Variants in THRB observed in about 807,000 individuals in gnomAD.
The protein encoded by THRB is thyroid hormone receptor beta, also known as nuclear receptor subfamily 1 group A member 2.
THRB carries 12 observed loss-of-function variants against 47.8 expected under a neutral mutation model. That is an observed-to-expected ratio of 0.25 (90% CI 0.16 to 0.41). The LOEUF is 0.41. Ranked by LOEUF, THRB falls within the 10% of genes least tolerant of loss-of-function variation. The probability of loss-of-function intolerance (pLI) is 1.00; values close to 1 mark genes in which losing one functional copy is unlikely to be tolerated. For synonymous variants in THRB, 218 were observed against 212.2 expected, an observed-to-expected ratio of 1.03 and a Z score of -0.24; for missense variants, 348 against 589.2, an observed-to-expected ratio of 0.59 and a Z score of 4.24.
At chr3:24,243,566 G>C (rs947107488) in intron 3 of THRB, among the ~76,000 whole-genome samples, 4 of 151,988 alleles carry the variant, frequency 2.6e-5, no homozygotes, top group African/African-American at 7.3e-5. Context: ...TGAAGTTCTC[G>C]GGATGCCTAT....
intron 1 of THRB, among the ~76,000 whole-genome samples, chr3:24,382,421 G>T (rs994061525): frequency 4.6e-5 from 7 of 151,952 alleles, no homozygotes; most frequent in African/African-American, 1.7e-4. Flanking sequence ...TTAAACGAAT[G>T]GATAAAGATT....
At chr3:24,136,240 A>T (rs1271850079) in intron 8 of THRB, among the ~76,000 whole-genome samples, 1 of 152,218 alleles carries the variant, frequency 6.6e-6, no homozygotes, top group African/African-American at 2.4e-5. Flanking sequence ...AGAATAAAAA[A>T]TTCACTTTTA....
At chr3:24,355,462 A>T (rs1196383367) in intron 1 of THRB, among the ~76,000 whole-genome samples, 2 of 152,210 alleles carry the variant, frequency 1.3e-5, no homozygotes, top group Non-Finnish European at 2.9e-5. Flanking sequence ...AAATTTGAAC[A>T]GAGGATGTCA....
chr3:24,387,302 T>C (rs1056704943), intron 1 of THRB, among the ~76,000 whole-genome samples: 1 of 152,126 alleles, frequency 6.6e-6, no homozygotes, highest in East Asian at 1.9e-4. Context: ...ACCTGGACAG[T>C]AGATTAAAGT....
chr3:24,451,050 A>C (rs773333133), intron 1 of THRB, among the ~76,000 whole-genome samples: 2 of 152,160 alleles, frequency 1.3e-5, no homozygotes, highest in Non-Finnish European at 2.9e-5. Context: ...TTATAGGAAA[A>C]GTGACCCACA....
At chr3:24,424,601 G>T (rs1436655428) in intron 1 of THRB, among the ~76,000 whole-genome samples, 1 of 151,918 alleles carries the variant, frequency 6.6e-6, no homozygotes, top group Non-Finnish European at 1.5e-5. Flanking sequence ...TACATGATAA[G>T]AATTATAAGG....
intron 1 of THRB, among the ~76,000 whole-genome samples, chr3:24,346,942 T>C (rs1319635866): frequency 6.7e-6 from 1 of 149,310 alleles, no homozygotes; most frequent in Non-Finnish European, 1.5e-5. Context: ...ATTTATAACA[T>C]TACAGCCAAC....
At chr3:24,394,546 G>A (rs927113210) in intron 1 of THRB, among the ~76,000 whole-genome samples, 14 of 152,028 alleles carry the variant, frequency 9.2e-5, no homozygotes, top group African/African-American at 2.2e-4. Flanking sequence ...GGGATGCTTC[G>A]TCTGCTTTTA....
At chr3:24,437,398 T>A (rs1446311034) in intron 1 of THRB, among the ~76,000 whole-genome samples, 1 of 151,750 alleles carries the variant, frequency 6.6e-6, no homozygotes, top group Non-Finnish European at 1.5e-5. Flanking sequence ...AGGGGGAAGA[T>A]GAAGAGAAGT....
At chr3:24,215,126 T>G (rs2046428102) in intron 4 of THRB, among the ~76,000 whole-genome samples, 1 of 152,332 alleles carries the variant, frequency 6.6e-6, no homozygotes. Flanking sequence ...CACTAACATT[T>G]ACTGAGTGCT....
At position 24,190,121 on chromosome 3, in the gene THRB, C is replaced by G. The variant is rs1387972369; in HGVS notation, c.236G>C (p.Ser79Thr). Residue 79 changes from serine (S) to threonine (T), a missense_variant, in exon 5 of 11, where the codon AGT (serine) becomes ACT (threonine). This residue lies in a region of THRB where 148 missense variants were observed against 122.3 expected (regional missense o/e 1.21). Transcript: ENST00000646209. ...TTGGAAGGTCTGGGCACTTGAGACA[C>G]TCTGGTCGTTCACATCATCATGGTC... ...HLDHDDVNDQSVSSAQTFQTE... is the reference protein window; with the variant it reads ...HLDHDDVNDQTVSSAQTFQTE... 6.2e-7 allele frequency: 1 copy of G among 1,613,960 alleles called. No homozygotes were observed. Among genetic ancestry groups the G allele is most frequent in the Non-Finnish European group, 8.5e-7 (1 of 1,179,956 alleles).
At chr3:24,340,151 A>G (rs1659715258) in intron 1 of THRB, among the ~76,000 whole-genome samples, 1 of 152,246 alleles carries the variant, frequency 6.6e-6, no homozygotes, top group Non-Finnish European at 1.5e-5. Context: ...TGTTATTTAT[A>G]AATGGCTCTT....
chr3:24,384,384 A>C (rs1017081800), intron 1 of THRB, among the ~76,000 whole-genome samples: 1 of 152,170 alleles, frequency 6.6e-6, no homozygotes, highest in African/African-American at 2.4e-5. Flanking sequence ...CAACTTTAAG[A>C]ACTTCTGGAG....
chr3:24,366,415 G>T (rs111428583), intron 1 of THRB, among the ~76,000 whole-genome samples: 1 of 152,022 alleles, frequency 6.6e-6, no homozygotes, highest in East Asian at 1.9e-4. Context: ...TAGCGATGGC[G>T]GGAGTGAGGG....
chr3:24,233,591 G>GAAAGAAAGAAAGAAAGAAAAAT (rs1553658398), intron 3 of THRB, among the ~76,000 whole-genome samples: 1,003 of 69,382 alleles, frequency 0.014, 8 homozygotes, highest in African/African-American at 0.025. Flanking sequence ...AAGAAAGAAA[G>GAAAGAAAGAAAGAAAGAAAAAT]AAAGAAAGAA....
chr3:24,118,296 C>G lies in THRB; in HGVS notation c.*4588G>C, dbSNP rs2031011062. On this transcript the variant is annotated 3_prime_UTR_variant, in exon 11 of 11. Coordinates refer to ENST00000646209, the MANE Select transcript of THRB (RefSeq NM_001354712.2). Reference sequence around the variant, plus strand: ...TATATTCATAATTACAGTTTTATATCTGCATACAAAAGCTATGTAAAAATC... The same window carrying G: ...TATATTCATAATTACAGTTTTATATGTGCATACAAAAGCTATGTAAAAATC... 1 of 152,574 alleles carries G rather than the reference C, an allele frequency of 6.6e-6. No homozygotes were observed. The highest frequency in any genetic ancestry group is 1.5e-5 in the Non-Finnish European group (1 of 68,036). The allele number at this position is 152,574 out of a possible 1,614,324, so 9.5% of individuals were successfully genotyped here.
intron 4 of THRB, among the ~76,000 whole-genome samples, chr3:24,217,114 TTTAA>T (rs1319093573): frequency 2.0e-5 from 3 of 149,160 alleles, no homozygotes; most frequent in Non-Finnish European, 3.0e-5. Flanking sequence ...TAATATAATA[TTTAA>T]TTAATATAAG....
At chr3:24,470,582 G>C (rs1036310411) in intron 1 of THRB, among the ~76,000 whole-genome samples, 2 of 152,242 alleles carry the variant, frequency 1.3e-5, no homozygotes, top group Non-Finnish European at 2.9e-5. Flanking sequence ...AAGGATGGCA[G>C]AACTGTGAAT....
intron 4 of THRB, among the ~76,000 whole-genome samples, chr3:24,201,740 G>T (rs2044619798): frequency 6.6e-6 from 1 of 152,158 alleles, no homozygotes; most frequent in South Asian, 2.1e-4. Flanking sequence ...TGTATTTGAT[G>T]TCTTTATTTC....
Sources: allele counts gnomAD v4.1 joint callset (sites outside exome capture counted in the v4.1 genomes callset), GRCh38; gene constraint gnomAD v4.1.1; regional missense constraint gnomAD v4.1.1; transcripts MANE v1.5; gene names NCBI Gene and HGNC (gene_info 2026-07-23, HGNC 2026-07-21).